ULK4: variants seen among roughly 807,000 people sequenced by gnomAD.
The protein encoded by ULK4 is unc-51 like kinase 4.
A neutral mutation model predicts 160.6 loss-of-function variants in ULK4; 133 were observed. The ratio of observed to expected loss-of-function variants is 0.83; its 90% CI spans 0.72 to 0.96. The LOEUF is 0.96. Among genes scored for constraint, ULK4 ranks in the 40% least tolerant of loss-of-function variants. ULK4 has a pLI of 0.00. For synonymous variants in ULK4, 534 were observed against 539.8 expected, an observed-to-expected ratio of 0.99 and a Z score of 0.15; for missense variants, 1,580 against 1,499.5, an observed-to-expected ratio of 1.05 and a Z score of -0.89.
chr3:41,824,506 C>A (rs1195312534), intron 18 of ULK4, among the ~76,000 whole-genome samples: 2 of 152,292 alleles, frequency 1.3e-5, no homozygotes, highest in East Asian at 3.9e-4. Context: ...AAACAGCACA[C>A]CAGGAGATTA....
At chr3:41,589,414 A>G (rs1397541393) in intron 31 of ULK4, among the ~76,000 whole-genome samples, 1 of 136,336 alleles carries the variant, frequency 7.3e-6, no homozygotes, top group East Asian at 2.3e-4. Flanking sequence ...AGGAAAAAAC[A>G]CCACAAAGGC....
chr3:41,454,898 A>G (rs1271021025), intron 34 of ULK4, among the ~76,000 whole-genome samples: 1 of 151,922 alleles, frequency 6.6e-6, no homozygotes, highest in African/African-American at 2.4e-5. Flanking sequence ...GGGTTTCACC[A>G]TACTGGTCAG....
intron 34 of ULK4, among the ~76,000 whole-genome samples, chr3:41,411,381 G>T (rs66505104): frequency 6.7e-6 from 1 of 150,362 alleles, no homozygotes; most frequent in Admixed American, 6.6e-5. Context: ...TTAAAACTTT[G>T]TTCTCCACAA....
chr3:41,605,816 A>G (rs1009072235), intron 31 of ULK4, among the ~76,000 whole-genome samples: 7 of 152,020 alleles, frequency 4.6e-5, no homozygotes, highest in Admixed American at 1.3e-4. Context: ...CTTTACATAT[A>G]TAAAAGGAAT....
At chr3:41,569,987 T>C (rs2087915758) in intron 31 of ULK4, among the ~76,000 whole-genome samples, 1 of 152,170 alleles carries the variant, frequency 6.6e-6, no homozygotes, top group African/African-American at 2.4e-5. Flanking sequence ...CCTTCTCCTC[T>C]GCCCCATGAC....
At chr3:41,453,811 CAT>C (rs1265393337) in intron 34 of ULK4, among the ~76,000 whole-genome samples, 2 of 151,776 alleles carry the variant, frequency 1.3e-5, no homozygotes, top group African/African-American at 4.8e-5. Context: ...ACATGGATAT[CAT>C]AGAAAAATTC....
intron 30 of ULK4, among the ~76,000 whole-genome samples, chr3:41,640,277 AG>A (rs1271027691): frequency 2.6e-5 from 4 of 152,210 alleles, no homozygotes; most frequent in Non-Finnish European, 5.9e-5. Context: ...GCTCTATACA[AG>A]TGAGTCATTT....
At chr3:41,483,273 T>C (rs1260980803) in intron 32 of ULK4, among the ~76,000 whole-genome samples, 1 of 152,190 alleles carries the variant, frequency 6.6e-6, no homozygotes, top group Non-Finnish European at 1.5e-5. Flanking sequence ...GAAGTTTCAC[T>C]TATTTTACTT....
intron 17 of ULK4, among the ~76,000 whole-genome samples, chr3:41,863,208 G>A (rs6781393): frequency 0.058 from 8,864 of 151,742 alleles, 816 homozygotes; most frequent in African/African-American, 0.2. Flanking sequence ...TCCAAAGGGA[G>A]AGGATCCTCA....
intron 30 of ULK4, among the ~76,000 whole-genome samples, chr3:41,618,459 G>A (rs1404132795): frequency 6.6e-6 from 1 of 152,078 alleles, no homozygotes; most frequent in Non-Finnish European, 1.5e-5. Context: ...AAGAGCGTGG[G>A]GGCCAACATT....
At chr3:41,688,873 A>G (rs771253874) in intron 27 of ULK4, among the ~76,000 whole-genome samples, 2 of 152,190 alleles carry the variant, frequency 1.3e-5, no homozygotes, top group African/African-American at 4.8e-5. Flanking sequence ...GCCAGACTAT[A>G]TAAGACAATA....
At chr3:41,475,055 C>T (rs909172143) in intron 32 of ULK4, among the ~76,000 whole-genome samples, 3 of 152,122 alleles carry the variant, frequency 2.0e-5, no homozygotes, top group Admixed American at 6.5e-5. Flanking sequence ...TGCATTGAAG[C>T]ACTATTCACA....
chr3:41,421,344 T>C (rs2082659920), intron 34 of ULK4, among the ~76,000 whole-genome samples: 1 of 152,198 alleles, frequency 6.6e-6, no homozygotes, highest in South Asian at 2.1e-4. Context: ...CCCAACACTG[T>C]TGACTAGTAG....
intron 35 of ULK4, among the ~76,000 whole-genome samples, chr3:41,311,877 C>T (rs1042495923): frequency 6.8e-6 from 1 of 146,574 alleles, no homozygotes; most frequent in African/African-American, 2.6e-5. Flanking sequence ...AAACTCTCCT[C>T]ATATATATAT....
Position 41,306,128 on chromosome 3 carries a change from T to TTG in ULK4, c.3679-56555_3679-56554insCA, listed in dbSNP as rs1389101389. 9.5e-4 allele frequency among the ~76,000 whole-genome samples: 58 copies of TTG among 61,064 alleles called. 1 individual carries two copies. Among genetic ancestry groups the TTG allele is most frequent in the African/African-American group, 5.0e-3 (52 of 10,306 alleles). The allele number at this position is 61,064 out of a possible 152,430, so 40.1% of individuals were successfully genotyped here. On this transcript the variant is annotated intron_variant, in intron 35 of 36. Transcript: ENST00000301831. ...GCCGCCACCCCGTCCGGGAGGGAGG[T>TTG]GGGGGGGGGGGGTCAGCCCCCCGCC...
At chr3:41,555,475 C>A (rs1374032468) in intron 32 of ULK4, among the ~76,000 whole-genome samples, 4 of 152,024 alleles carry the variant, frequency 2.6e-5, no homozygotes, top group Non-Finnish European at 5.9e-5. Context: ...AATGAAATAC[C>A]ATCTAACACC....
At chr3:41,959,857 A>T (rs1324593228) in intron 1 of ULK4, among the ~76,000 whole-genome samples, 1 of 152,190 alleles carries the variant, frequency 6.6e-6, no homozygotes, top group Non-Finnish European at 1.5e-5. Flanking sequence ...GATTAAACTG[A>T]CAGTATGTTA....
chr3:41,342,949 A>T (rs1041051969), intron 35 of ULK4, among the ~76,000 whole-genome samples: 2 of 152,228 alleles, frequency 1.3e-5, no homozygotes, highest in Non-Finnish European at 2.9e-5. Context: ...CAGATGCAGA[A>T]AAGACCTTTG....
chr3:41,697,994 A>T (rs1257649451), intron 27 of ULK4, among the ~76,000 whole-genome samples: 1 of 152,160 alleles, frequency 6.6e-6, no homozygotes, highest in Non-Finnish European at 1.5e-5. Flanking sequence ...TTTTCACCAC[A>T]TCTTTTATTG....
Sources: allele counts gnomAD v4.1 joint callset (sites outside exome capture counted in the v4.1 genomes callset), GRCh38; gene constraint gnomAD v4.1.1; transcripts MANE v1.5; gene names NCBI Gene and HGNC (gene_info 2026-07-23, HGNC 2026-07-21).